The following DPP10 variants were observed in gnomAD, a reference collection of about 807,000 sequenced individuals.
DPP10 encodes inactive dipeptidyl peptidase 10.
In DPP10, 33 loss-of-function variants were observed where a neutral mutation model predicts 120.9. That is an observed-to-expected ratio of 0.27 (90% CI 0.21 to 0.37). DPP10 has a LOEUF of 0.37. Among genes scored for constraint, DPP10 ranks in the 10% least tolerant of loss-of-function variants. DPP10 has a pLI of 1.00. For missense variants in DPP10, 816 were observed against 942.8 expected (o/e 0.87, Z 1.76); for synonymous variants, 337 against 326.1 (o/e 1.03, Z -0.36).
At chr2:115,391,687 TTATAAA>T (rs746118789) in intron 3 of DPP10, among the ~76,000 whole-genome samples, 1 of 151,896 alleles carries the variant, frequency 6.6e-6, no homozygotes, top group Non-Finnish European at 1.5e-5. Flanking sequence ...TTTATTATAA[TTATAAA>T]TATATAAATA....
intron 4 of DPP10, among the ~76,000 whole-genome samples, chr2:115,510,075 AT>A (rs1204482790): frequency 6.6e-6 from 1 of 152,028 alleles, no homozygotes; most frequent in African/African-American, 2.4e-5. Flanking sequence ...GAATTGTAAG[AT>A]TTTTTCATAT....
At chr2:114,754,597 T>C (rs534589132) in intron 1 of DPP10, among the ~76,000 whole-genome samples, 143 of 152,266 alleles carry the variant, frequency 9.4e-4, no homozygotes, top group African/African-American at 3.3e-3. Flanking sequence ...AGCTCTACCT[T>C]TTATCAATAA....
chr2:114,590,754 A>G (rs999876983), intron 1 of DPP10, among the ~76,000 whole-genome samples: 2 of 152,362 alleles, frequency 1.3e-5, no homozygotes, highest in Non-Finnish European at 2.9e-5. Flanking sequence ...TCAAAGGCAT[A>G]TATAATAGTA....
chr2:115,429,189 A>G (rs764483874), intron 3 of DPP10, among the ~76,000 whole-genome samples: 15 of 150,790 alleles, frequency 9.9e-5, no homozygotes, highest in Non-Finnish European at 2.1e-4. Context: ...CATTTAAGGA[A>G]TTTTTTTTTC....
intron 1 of DPP10, among the ~76,000 whole-genome samples, chr2:114,581,136 C>G: frequency 6.9e-6 from 1 of 144,872 alleles, no homozygotes; most frequent in South Asian, 2.2e-4. Context: ...GCAGAAAATT[C>G]ATAGAAATAT....
At chr2:115,159,001 A>G (rs2052103167) in intron 1 of DPP10, among the ~76,000 whole-genome samples, 1 of 151,838 alleles carries the variant, frequency 6.6e-6, no homozygotes, top group Non-Finnish European at 1.5e-5. Context: ...TTTAATTTCT[A>G]AGTACTTAAT....
intron 1 of DPP10, among the ~76,000 whole-genome samples, chr2:114,762,618 CTA>C (rs773646596): frequency 6.6e-6 from 1 of 152,172 alleles, no homozygotes; most frequent in African/African-American, 2.4e-5. Context: ...CTTAAAATAG[CTA>C]TGAGTTTCCC....
chr2:114,565,550 C>T (rs539307131), intron 1 of DPP10, among the ~76,000 whole-genome samples: 1 of 152,320 alleles, frequency 6.6e-6, no homozygotes, highest in South Asian at 2.1e-4. Flanking sequence ...CTCTGTACTT[C>T]GCAGATTATT....
At chr2:115,242,672 ATTTTTTT>A (rs539909325) in intron 1 of DPP10, among the ~76,000 whole-genome samples, 1 of 124,200 alleles carries the variant, frequency 8.1e-6, no homozygotes, top group Non-Finnish European at 1.8e-5. Context: ...GCCAACATCT[ATTTTTTT>A]TTTTTTTTTT....
intron 3 of DPP10, among the ~76,000 whole-genome samples, chr2:115,378,177 AC>A (rs1353510940): frequency 6.6e-6 from 1 of 152,080 alleles, no homozygotes; most frequent in Non-Finnish European, 1.5e-5. Flanking sequence ...GATTCTTCCT[AC>A]CCATGAGCAT....
chr2:115,417,331 C>T (rs921960432), intron 3 of DPP10, among the ~76,000 whole-genome samples: 6 of 151,878 alleles, frequency 4.0e-5, no homozygotes, highest in African/African-American at 4.8e-5. Context: ...AAAATGATGT[C>T]GACTTCTTTC....
At chr2:114,474,503 T>A (rs959249279) in intron 1 of DPP10, among the ~76,000 whole-genome samples, 2 of 152,164 alleles carry the variant, frequency 1.3e-5, no homozygotes, top group African/African-American at 2.4e-5. Context: ...ATACCTACCA[T>A]GGTATCTTTC....
chr2:114,541,041 A>T (rs946796741), intron 1 of DPP10, among the ~76,000 whole-genome samples: 1 of 152,212 alleles, frequency 6.6e-6, no homozygotes, highest in Non-Finnish European at 1.5e-5. Context: ...ACAAATAGAT[A>T]TATCTTTCAA....
intron 1 of DPP10, among the ~76,000 whole-genome samples, chr2:114,945,517 A>T (rs1697278366): frequency 6.6e-6 from 1 of 152,176 alleles, no homozygotes; most frequent in African/African-American, 2.4e-5. Flanking sequence ...TTGCAAATTA[A>T]AACATTTGTA....
intron 1 of DPP10, among the ~76,000 whole-genome samples, chr2:115,251,414 A>T (rs1214262692): frequency 6.6e-6 from 1 of 152,156 alleles, no homozygotes; most frequent in African/African-American, 2.4e-5. Flanking sequence ...TTCTCTGCTG[A>T]TCTGTAAATT....
At chr2:114,928,621 C>T (rs1342642740) in intron 1 of DPP10, among the ~76,000 whole-genome samples, 2 of 152,024 alleles carry the variant, frequency 1.3e-5, no homozygotes, top group African/African-American at 2.4e-5. Context: ...GCCAGTAGCT[C>T]TACTATTCTG....
At chr2:115,610,660 T>C (rs534955718) in intron 5 of DPP10, among the ~76,000 whole-genome samples, 1 of 152,290 alleles carries the variant, frequency 6.6e-6, no homozygotes, top group East Asian at 1.9e-4. Context: ...TTTCCTGAAA[T>C]GCTTGTATAT....
Position 115,762,607 on chromosome 2 carries a change from G to A in DPP10, c.1110G>A (p.Gln370=). 1 of 1,613,316 alleles carries A rather than the reference G, an allele frequency of 6.2e-7. No homozygotes were observed. The highest frequency in any genetic ancestry group is 8.5e-7 in the Non-Finnish European group (1 of 1,179,880). Residue 370 remains glutamine (Q), a synonymous_variant, in exon 12 of 26, where the codon CAG becomes CAA. Transcript: ENST00000410059. ...YEMTSDTWLS[Q]QNEEPVFSRD... ...TGACATCAGATACGTGGCTCTCTCAGCAGGTACAGTATAGGTGGTCTGTCA... is the reference window on the plus strand; with the variant it reads ...TGACATCAGATACGTGGCTCTCTCAACAGGTACAGTATAGGTGGTCTGTCA...
At chr2:115,044,835 T>A (rs539629733) in intron 1 of DPP10, among the ~76,000 whole-genome samples, 2 of 152,312 alleles carry the variant, frequency 1.3e-5, no homozygotes, top group South Asian at 4.1e-4. Flanking sequence ...TCAATTGTTT[T>A]AATTTTTAGA....
Sources: allele counts gnomAD v4.1 joint callset (sites outside exome capture counted in the v4.1 genomes callset), GRCh38; gene constraint gnomAD v4.1.1; transcripts MANE v1.5; gene names NCBI Gene and HGNC (gene_info 2026-07-23, HGNC 2026-07-21).